VPS13B: variants seen among roughly 807,000 people sequenced by gnomAD.
VPS13B encodes intermembrane lipid transfer protein VPS13B.
A neutral mutation model predicts 426.4 loss-of-function variants in VPS13B; 285 were observed. That is an observed-to-expected ratio of 0.67 (90% CI 0.61 to 0.74). The LOEUF (loss-of-function observed/expected upper bound fraction) is 0.74. Among genes scored for constraint, VPS13B ranks in the 30% least tolerant of loss-of-function variants. VPS13B has a pLI of 0.00. For missense variants in VPS13B, 4,537 were observed against 4,782.6 expected (o/e 0.95, Z 1.51); for synonymous variants, 1,676 against 1,676.4 (o/e 1.00, Z 0.01).
intron 31 of VPS13B, among the ~76,000 whole-genome samples, chr8:99,573,487 G>A (rs890939272): frequency 3.9e-5 from 6 of 152,188 alleles, no homozygotes; most frequent in Non-Finnish European, 8.8e-5. Context: ...TAAGGTGTAA[G>A]GAAGGGATTG....
At position 99,848,838 on chromosome 8, in the gene VPS13B, C is replaced by G; in HGVS notation, c.10005C>G (p.Val3335=). The change falls in exon 55 of 62, where the codon GTC becomes GTG. Residue 3335 remains valine, a synonymous_variant. Transcript: ENST00000357162. ...ATGTTGTACATCAGTGTGGCACAGT[C>G]TTCATCACTGTGGCCCCAGAAGGAA... ...YVDVVHQCGT[V]FITVAPEGKA... 6.2e-7 allele frequency: 1 copy of G among 1,614,138 alleles called. No homozygotes were observed. The highest frequency in any genetic ancestry group is 8.5e-7 in the Non-Finnish European group (1 of 1,180,016).
chr8:99,077,268 G>A (rs141440564), intron 3 of VPS13B, among the ~76,000 whole-genome samples: 2,960 of 152,138 alleles, frequency 0.019, 44 homozygotes, highest in Middle Eastern at 0.065. Flanking sequence ...CGCCTCCCAG[G>A]TTCAAGTGAT....
At chr8:99,486,848 TA>T in intron 25 of VPS13B, among the ~76,000 whole-genome samples, 1 of 152,324 alleles carries the variant, frequency 6.6e-6, no homozygotes, top group East Asian at 1.9e-4. Flanking sequence ...TATTTGTCTT[TA>T]TTTCAAGTTT....
At chr8:99,350,848 T>C (rs1811841530) in intron 19 of VPS13B, among the ~76,000 whole-genome samples, 1 of 151,530 alleles carries the variant, frequency 6.6e-6, no homozygotes, top group Admixed American at 6.6e-5. Flanking sequence ...TATATGTATA[T>C]GTAATATGTA....
In VPS13B at chr8:99,589,323, T is replaced by A. The variant is rs530178957; in HGVS notation, c.5220+11690T>A. The stretch of plus-strand genomic sequence containing the variant: ...GCACCCATTAACTCGTCATTTAGCA[T>A]TAGGTATATCTCCTAATGCTATCCC... On this transcript the variant is annotated intron_variant, in intron 33 of 61. Coordinates refer to ENST00000357162, the MANE Select transcript of VPS13B (RefSeq NM_152564.5). Among the ~76,000 whole-genome samples, 4 of 151,754 alleles carry A rather than the reference T, an allele frequency of 2.6e-5. 1 individual carries two copies. The South Asian group carries it at 8.3e-4, about 31-fold the overall frequency.
intron 19 of VPS13B, among the ~76,000 whole-genome samples, chr8:99,292,276 A>T (rs1819778634): frequency 6.6e-6 from 1 of 152,162 alleles, no homozygotes; most frequent in Non-Finnish European, 1.5e-5. Context: ...TTTAGAGTGA[A>T]ACATCTTTAT....
intron 3 of VPS13B, among the ~76,000 whole-genome samples, chr8:99,065,840 C>T (rs1188675902): frequency 1.3e-5 from 2 of 152,198 alleles, no homozygotes; most frequent in African/African-American, 4.8e-5. Flanking sequence ...GCAAAAATCA[C>T]AAGCATTCCT....
At position 99,394,020 on chromosome 8, in the gene VPS13B, CTT is replaced by C. The variant is rs1027783624; in HGVS notation, c.3082+2319_3082+2320del. On this transcript the variant is annotated intron_variant, in intron 21 of 61. Coordinates refer to ENST00000357162, the MANE Select transcript of VPS13B (RefSeq NM_152564.5). ...ATGAGTTTGTTAAGGTATTCATAGT[CTT>C]TTGCACATCTGCCTACCTTTTTTGG... 6.6e-5 allele frequency among the ~76,000 whole-genome samples: 10 copies of C among 152,068 alleles called. No homozygotes were observed. In the Middle Eastern group the frequency reaches 0.01, roughly 155 times the overall value.
At chr8:99,274,603 G>A (rs1818797845) in intron 18 of VPS13B, among the ~76,000 whole-genome samples, 1 of 151,770 alleles carries the variant, frequency 6.6e-6, no homozygotes, top group Non-Finnish European at 1.5e-5. Flanking sequence ...GGGAATAGGA[G>A]GTGTATATAT....
At chr8:99,428,481 G>A (rs1433918440) in intron 21 of VPS13B, among the ~76,000 whole-genome samples, 1 of 152,128 alleles carries the variant, frequency 6.6e-6, no homozygotes, top group Non-Finnish European at 1.5e-5. Context: ...AAGGATATGA[G>A]CAGACACTTC....
rs2130916651 is a variant in VPS13B, at chr8:99,853,548, C to T, written c.10159C>T (p.Leu3387=). 1.9e-6 allele frequency: 3 copies of T among 1,614,214 alleles called. No individual in the cohort carries two copies. Among genetic ancestry groups the T allele is most frequent in the Non-Finnish European group, 2.5e-6 (3 of 1,180,034 alleles). ...CCACCACAAAGCATCAGCTGAGCTT[C>T]TGAGACTCACACTGGACAACATTTT... The part of the protein sequence containing the change: ...LTHHKASAEL[L]RLTLDNIFLC... Residue 3387 remains leucine, a synonymous_variant, in exon 56 of 62, where the codon CTG becomes TTG. Transcript: ENST00000357162.
intron 33 of VPS13B, among the ~76,000 whole-genome samples, chr8:99,618,342 G>C (rs78155970): frequency 6.6e-6 from 1 of 151,232 alleles, no homozygotes; most frequent in African/African-American, 2.4e-5. Flanking sequence ...GGAGTTTTCA[G>C]GTTTAGAAAC....
Position 99,835,202 on chromosome 8 carries a change from T to C in VPS13B, c.9620T>C (p.Ile3207Thr). 2 of 1,614,016 alleles carry C rather than the reference T, an allele frequency of 1.2e-6. No individual in the cohort carries two copies. Among genetic ancestry groups the C allele is most frequent in the Non-Finnish European group, 1.7e-6 (2 of 1,179,948 alleles). The change falls in exon 53 of 62, where the codon ATA (isoleucine) becomes ACA (threonine). Residue 3207 changes from isoleucine (I) to threonine (T), a missense_variant. This residue lies in a region of VPS13B where 4,311 missense variants were observed against 4,474.3 expected (regional missense o/e 0.96). Coordinates refer to ENST00000357162, the MANE Select transcript of VPS13B (RefSeq NM_152564.5). ...TTGACTTGATTCTCTTCCAGGGCTA[T>C]AGTGCTGACATATCAAGAACACCTC... ...FRENGFCTRAIVLTYQEHLGV... is the reference protein window; with the variant it reads ...FRENGFCTRATVLTYQEHLGV...
intron 19 of VPS13B, among the ~76,000 whole-genome samples, chr8:99,290,955 A>G (rs576862098): frequency 6.6e-6 from 1 of 152,252 alleles, no homozygotes. Flanking sequence ...CTTGAAAGTC[A>G]TTTTAAAGGG....
intron 29 of VPS13B, among the ~76,000 whole-genome samples, chr8:99,514,690 A>G (rs989806033): frequency 1.3e-5 from 2 of 152,200 alleles, no homozygotes; most frequent in Admixed American, 6.5e-5. Flanking sequence ...TCTGTTGGGC[A>G]GTTGGGTCAT....
At position 99,832,594 on chromosome 8, in the gene VPS13B, C is replaced by T; in HGVS notation, c.9556C>T (p.Pro3186Ser). ...SLPAIVRPEF[P>S]RQSVAVPLGN... ...GCCAGCTATAGTTAGACCAGAGTTT[C>T]CCAGACAGAGTGTGGCAGTACCCCT... Residue 3186 changes from proline to serine, a missense_variant, in exon 52 of 62, where the codon CCC (proline) becomes TCC (serine). Coordinates refer to ENST00000357162, the MANE Select transcript of VPS13B (RefSeq NM_152564.5). 1 of 1,613,880 alleles carries T rather than the reference C, an allele frequency of 6.2e-7. No individual in the cohort carries two copies. Among genetic ancestry groups the T allele is most frequent in the African/African-American group, 1.3e-5 (1 of 74,948 alleles).
At chr8:99,432,722 A>C (rs1817177890) in intron 22 of VPS13B, among the ~76,000 whole-genome samples, 1 of 152,204 alleles carries the variant, frequency 6.6e-6, no homozygotes, top group Non-Finnish European at 1.5e-5. Flanking sequence ...TAAGTAAGGC[A>C]GACCTAGATA....
chr8:99,374,999 T>G (rs767998640), intron 19 of VPS13B, among the ~76,000 whole-genome samples: 3 of 152,232 alleles, frequency 2.0e-5, no homozygotes, highest in Non-Finnish European at 4.4e-5. Context: ...TTCATTCTCC[T>G]GCTTCGCACT....
intron 30 of VPS13B, among the ~76,000 whole-genome samples, chr8:99,526,845 TG>T (rs1156876193): frequency 1.3e-5 from 2 of 152,152 alleles, no homozygotes; most frequent in Admixed American, 1.3e-4. Flanking sequence ...CCAAGGATCT[TG>T]ATAAAATGTG....
Sources: allele counts gnomAD v4.1 joint callset (sites outside exome capture counted in the v4.1 genomes callset), GRCh38; gene constraint gnomAD v4.1.1; regional missense constraint gnomAD v4.1.1; transcripts MANE v1.5; gene names NCBI Gene and HGNC (gene_info 2026-07-23, HGNC 2026-07-21).